The following RIMKLB variants were observed in gnomAD, a reference collection of about 807,000 sequenced individuals.
The protein encoded by RIMKLB is ribosomal modification protein rimK like family member B.
A neutral mutation model predicts 32.0 loss-of-function variants in RIMKLB; 7 were observed. That is an observed-to-expected ratio of 0.22 (90% CI 0.12 to 0.41). The LOEUF (loss-of-function observed/expected upper bound fraction) is 0.41. Ranked by LOEUF, RIMKLB falls within the 10% of genes least tolerant of loss-of-function variation. The pLI, the probability that RIMKLB is intolerant of heterozygous loss-of-function variation, is 1.00. For synonymous variants in RIMKLB, 172 were observed against 185.1 expected, an observed-to-expected ratio of 0.93 and a Z score of 0.57; for missense variants, 289 against 498.7, an observed-to-expected ratio of 0.58 and a Z score of 4.00.
chr12:8,737,883 T>G (rs764490481), intron 2 of RIMKLB, among the ~76,000 whole-genome samples: 5 of 152,108 alleles, frequency 3.3e-5, no homozygotes, highest in Admixed American at 3.3e-4. Context: ...CCCGGCTAAT[T>G]TTGTATTTTT....
intron 3 of RIMKLB, 111 bp from the exon 4 acceptor site, chr12:8,751,846 G>C: frequency 1.4e-6 from 1 of 692,068 alleles, no homozygotes; most frequent in Non-Finnish European, 2.6e-6. Flanking sequence ...TTAGCCATCA[G>C]GCTCTTACCT....
At chr12:8,747,313 G>A (rs1440137064) in intron 2 of RIMKLB, among the ~76,000 whole-genome samples, 1 of 151,994 alleles carries the variant, frequency 6.6e-6, no homozygotes, top group Non-Finnish European at 1.5e-5. Flanking sequence ...AATACAAATC[G>A]CAGAGAGACA....
rs1950548103 is a variant in RIMKLB at position 8,773,304 on chromosome 12, C to T, written c.698-17C>T. ...GTTTATGATTTTGTTAATTTCCTGT[C>T]TTGTTTCTTTTGCCAGGTGGTGTGG... On this transcript the variant is annotated splice_polypyrimidine_tract_variant and intron_variant, in intron 5 of 5. Transcript: ENST00000535829. 7.7e-6 allele frequency: 12 copies of T among 1,555,910 alleles called. No individual in the cohort carries two copies. The highest frequency in any genetic ancestry group is 1.1e-5 in the Non-Finnish European group (12 of 1,130,232).
intron 1 of RIMKLB, among the ~76,000 whole-genome samples, chr12:8,682,893 C>T (rs555422265): frequency 2.3e-3 from 344 of 151,446 alleles, no homozygotes; most frequent in Middle Eastern, 6.9e-3. Flanking sequence ...GCCTCAGCCT[C>T]CCAAAGTGCT....
rs1284678514 is a variant in RIMKLB, at chr12:8,698,234, G to C, written c.-120G>C. 1.1e-5 allele frequency: 4 copies of C among 368,990 alleles called. No individual in the cohort carries two copies. Among genetic ancestry groups the C allele is most frequent in the African/African-American group, 8.9e-5 (4 of 45,026 alleles). The allele number at this position is 368,990 out of a possible 1,614,324, so 22.9% of individuals were successfully genotyped here. ...CACTTCCAGCCGCCCGGCGGCCCGC[G>C]CTTCCTCGAAGGCCCCAGCCCGGCT... On this transcript the variant is annotated 5_prime_UTR_variant, in exon 1 of 6. Transcript: ENST00000535829.
intron 2 of RIMKLB, among the ~76,000 whole-genome samples, chr12:8,747,962 G>A (rs935646717): frequency 2.0e-5 from 3 of 151,930 alleles, no homozygotes; most frequent in African/African-American, 7.3e-5. Flanking sequence ...CACCATGTTG[G>A]CCAGGCTGGT....
At position 8,759,838 on chromosome 12, in the gene RIMKLB, A is replaced by G. The variant is rs2969091; in HGVS notation, c.697+5745A>G. 7.8e-3 allele frequency among the ~76,000 whole-genome samples: 1,185 copies of G among 152,322 alleles called. 16 individuals are homozygous for G. The highest frequency in any genetic ancestry group is 0.027 in the African/African-American group (1,132 of 41,570). On this transcript the variant is annotated intron_variant, in intron 5 of 5. Transcript: ENST00000535829. ...ACTGAAATAGGTTTAGTGTTTTGCT[A>G]TTTAGGATACTATATTTAAGGAGAT...
intron 2 of RIMKLB, among the ~76,000 whole-genome samples, chr12:8,746,387 T>A (rs908121447): frequency 6.6e-6 from 1 of 151,372 alleles, no homozygotes; most frequent in Non-Finnish European, 1.5e-5. Context: ...TCACCTGAGG[T>A]CAGGAGTTTG....
At chr12:8,714,620 T>C (rs1167884214) in intron 2 of RIMKLB, among the ~76,000 whole-genome samples, 1 of 152,176 alleles carries the variant, frequency 6.6e-6, no homozygotes, top group Non-Finnish European at 1.5e-5. Context: ...TGGTGATAAA[T>C]TTTTCTAGTA....
intron 1 of RIMKLB, among the ~76,000 whole-genome samples, chr12:8,705,836 C>G (rs1943826973): frequency 6.6e-6 from 1 of 152,108 alleles, no homozygotes; most frequent in Admixed American, 6.6e-5. Context: ...ACTCAGGTAG[C>G]ATTTCTGTGA....
At chr12:8,684,958 T>C (rs1317072106) in intron 1 of RIMKLB, among the ~76,000 whole-genome samples, 5 of 152,216 alleles carry the variant, frequency 3.3e-5, no homozygotes, top group Non-Finnish European at 7.3e-5. Context: ...TCATCACTGA[T>C]ATATAGGAAA....
At chr12:8,712,845 C>T (rs551397092) in intron 1 of RIMKLB, among the ~76,000 whole-genome samples, 2 of 152,112 alleles carry the variant, frequency 1.3e-5, no homozygotes, top group Non-Finnish European at 2.9e-5. Flanking sequence ...TTGCCCAGGA[C>T]CTTTCCTTTT....
intron 3 of RIMKLB, among the ~76,000 whole-genome samples, chr12:8,751,193 A>G (rs1294549077): frequency 6.6e-6 from 1 of 152,220 alleles, no homozygotes; most frequent in East Asian, 1.9e-4. Flanking sequence ...AAAGAAGGAA[A>G]AAAAGGTTAA....
At chr12:8,704,489 G>C (rs1943674979) in intron 1 of RIMKLB, among the ~76,000 whole-genome samples, 1 of 152,158 alleles carries the variant, frequency 6.6e-6, no homozygotes, top group Non-Finnish European at 1.5e-5. Flanking sequence ...TTAACCTGTA[G>C]AAAGAGAAAT....
intron 7 of RIMKLB, among the ~76,000 whole-genome samples, chr12:8,782,370 G>A (rs1382276138): frequency 1.3e-5 from 2 of 151,784 alleles, no homozygotes; most frequent in Admixed American, 1.3e-4. Flanking sequence ...GGATTGCTAA[G>A]GAGTAATAGT....
chr12:8,713,062 C>T (rs1426938980), intron 1 of RIMKLB, among the ~76,000 whole-genome samples: 1 of 152,026 alleles, frequency 6.6e-6, no homozygotes. Flanking sequence ...TCCTTTTTTG[C>T]ATTTTAGTAA....
rs1382328519 is a variant in RIMKLB, at chr12:8,698,182, G to A, written c.-172G>A. 2.9e-6 allele frequency: 1 copy of A among 342,542 alleles called. No homozygotes were observed. The highest frequency in any genetic ancestry group is 1.9e-5 in the South Asian group (1 of 52,400). The allele number at this position is 342,542 out of a possible 1,614,324, so 21.2% of individuals were successfully genotyped here. A position where few individuals can be genotyped will look rare whatever the true frequency, so the allele number is the denominator to read the frequency against. On this transcript the variant is annotated 5_prime_UTR_variant, in exon 1 of 6. Transcript: ENST00000535829. Reference sequence around the variant, plus strand: ...GAAAGGAGGCGGCTCCCGGTATCCCGACCCCCTCCCCCTCCTCTCCTTCCC... The same window carrying A: ...GAAAGGAGGCGGCTCCCGGTATCCCAACCCCCTCCCCCTCCTCTCCTTCCC...
At chr12:8,756,684 C>CTTTTTTTTTTTTT (rs145312687) in intron 5 of RIMKLB, among the ~76,000 whole-genome samples, 2 of 90,964 alleles carry the variant, frequency 2.2e-5, no homozygotes, top group Admixed American at 1.4e-4. Flanking sequence ...TTACTTTCTA[C>CTTTTTTTTTTTTT]TTTTTTTTTT....
At chr12:8,718,655 A>C (rs7311907) in intron 2 of RIMKLB, among the ~76,000 whole-genome samples, 58,528 of 123,344 alleles carry the variant, frequency 0.47, 12,436 homozygotes, top group Non-Finnish European at 0.53. Context: ...CTCTCTCTCT[A>C]TATATATATA....
Sources: gnomAD v4.1 joint callset for allele counts (sites outside exome capture counted in the v4.1 genomes callset) on GRCh38, gnomAD v4.1.1 for gene constraint, MANE v1.5 for transcripts, NCBI Gene and HGNC (gene_info 2026-07-23, HGNC 2026-07-21) for gene names.